PYY: variants seen among roughly 807,000 people sequenced by gnomAD.
The protein encoded by PYY is peptide tyrosine tyrosine.
PYY carries 12 observed loss-of-function variants against 10.3 expected under a neutral mutation model. The observed-to-expected ratio is 1.17, with a 90% confidence interval of 0.75 to 1.89. The LOEUF (loss-of-function observed/expected upper bound fraction) is 1.89. Among genes scored for constraint, PYY ranks in the 40% most tolerant of loss-of-function variants. The probability of loss-of-function intolerance (pLI) is 0.00; values close to 1 mark genes in which losing one functional copy is unlikely to be tolerated. For missense variants in PYY, 141 were observed against 134.0 expected (o/e 1.05, Z -0.26); for synonymous variants, 66 against 62.0 (o/e 1.06, Z -0.30).
rs1319220869 is a variant in PYY at position 43,952,966 on chromosome 17, T to G, written c.284A>C (p.Asp95Ala). Reference sequence around the variant, plus strand: ...AGGCCTCAGGGGTCCTCACCACAGGTCTGGGCCCTCCGACCTGCGGAAGCG... The same window carrying G: ...AGGCCTCAGGGGTCCTCACCACAGGGCTGGGCCCTCCGACCTGCGGAAGCG... ...RPVRSRSEGP[D>A]LW Residue 95 changes from aspartate to alanine, a missense_variant, in exon 4 of 4, where the codon GAC (aspartate) becomes GCC (alanine). Coordinates refer to ENST00000692052, the MANE Select transcript of PYY (RefSeq NM_001394028.1). 1.9e-6 allele frequency: 3 copies of G among 1,565,430 alleles called. No homozygotes were observed. Among genetic ancestry groups the G allele is most frequent in the Admixed American group, 3.8e-5 (2 of 52,248 alleles).
intron 3 of PYY, 48 bp downstream of exon 3, chr17:43,953,061 C>G: frequency 6.2e-7 from 1 of 1,607,636 alleles, no homozygotes. Flanking sequence ...CAGGGTAGGG[C>G]CAGGCCGCGC....
At chr17:43,995,088 C>A (rs2048982436) in intron 1 of PYY, among the ~76,000 whole-genome samples, 1 of 152,168 alleles carries the variant, frequency 6.6e-6, no homozygotes, top group Non-Finnish European at 1.5e-5. Flanking sequence ...CCCTTGGTGG[C>A]AATTGTTTGT....
chr17:43,976,879 T>G (rs1454654367), intron 1 of PYY, among the ~76,000 whole-genome samples: 1 of 152,226 alleles, frequency 6.6e-6, no homozygotes, highest in Non-Finnish European at 1.5e-5. Context: ...CAGGGGCTTC[T>G]GATCTTTGTG....
At chr17:43,978,190 AG>A (rs1167473045) in intron 1 of PYY, among the ~76,000 whole-genome samples, 2 of 151,494 alleles carry the variant, frequency 1.3e-5, no homozygotes, top group Admixed American at 1.3e-4. Context: ...AGACCCTGAA[AG>A]AAAGAAGAAA....
At chr17:43,995,364 G>A (rs1287874881) in intron 1 of PYY, among the ~76,000 whole-genome samples, 2 of 152,198 alleles carry the variant, frequency 1.3e-5, no homozygotes, top group African/African-American at 4.8e-5. Flanking sequence ...GTTTGAGACA[G>A]AGTCTCGCTC....
At chr17:43,973,351 G>C (rs1397665415) in intron 1 of PYY, among the ~76,000 whole-genome samples, 1 of 152,134 alleles carries the variant, frequency 6.6e-6, no homozygotes, top group South Asian at 2.1e-4. Flanking sequence ...GGTCGTTGTG[G>C]AGGAAAAGTT....
chr17:43,963,624 A>AAGAAAGAG (rs1364420978), intron 2 of PYY, among the ~76,000 whole-genome samples: 31 of 55,344 alleles, frequency 5.6e-4, no homozygotes, highest in African/African-American at 1.6e-3. Context: ...GAAAGAAAGA[A>AAGAAAGAG]AGAGAAAGAA....
intron 1 of PYY, among the ~76,000 whole-genome samples, chr17:43,989,809 TAAAAAA>T (rs1174890162): frequency 0.035 from 361 of 10,436 alleles, 62 homozygotes; most frequent in Non-Finnish European, 0.042. Context: ...GCTGTCTCTT[TAAAAAA>T]AAAAAAAAAA....
intron 2 of PYY, among the ~76,000 whole-genome samples, chr17:43,962,084 G>A (rs937296227): frequency 2.0e-5 from 3 of 152,114 alleles, no homozygotes; most frequent in Non-Finnish European, 2.9e-5. Context: ...TTACAATAGA[G>A]TTTAGCTGAG....
chr17:44,003,382 C>T (rs540982772), intron 1 of PYY, among the ~76,000 whole-genome samples: 51 of 151,946 alleles, frequency 3.4e-4, no homozygotes, highest in African/African-American at 1.2e-3. Flanking sequence ...GAGGGCCGGG[C>T]GTGGTGGCTC....
intron 2 of PYY, among the ~76,000 whole-genome samples, chr17:43,959,900 G>A (rs1311164043): frequency 2.6e-5 from 4 of 152,186 alleles, no homozygotes; most frequent in Admixed American, 2.6e-4. Flanking sequence ...AAAGAGGTAT[G>A]GATTCAGGGA....
chr17:43,981,395 CATTTT>C (rs1336502376), intron 1 of PYY, among the ~76,000 whole-genome samples: 4 of 152,154 alleles, frequency 2.6e-5, no homozygotes, highest in Non-Finnish European at 4.4e-5. Flanking sequence ...TTTGTCTTTT[CATTTT>C]AGTCATTCTG....
chr17:43,989,867 T>C (rs1567936599), intron 1 of PYY, among the ~76,000 whole-genome samples: 2 of 3,946 alleles, frequency 5.1e-4, no homozygotes, highest in African/African-American at 2.5e-3. Context: ...TATATATATA[T>C]ATATATATAT....
chr17:43,968,497 A>G (rs2048768786), intron 1 of PYY, among the ~76,000 whole-genome samples: 1 of 152,206 alleles, frequency 6.6e-6, no homozygotes, highest in African/African-American at 2.4e-5. Flanking sequence ...TCTCATGGAC[A>G]TATATGTAAA....
At chr17:43,953,513 T>C (rs1597840861) in intron 1 of PYY, 30 bp from the exon 2 acceptor site, 1 of 1,549,990 alleles carries the variant, frequency 6.5e-7, no homozygotes, top group Non-Finnish European at 8.7e-7. Flanking sequence ...ACGTGGGTCA[T>C]TCCAAGCCTC....
intron 1 of PYY, among the ~76,000 whole-genome samples, chr17:43,975,169 C>T (rs1200406748): frequency 6.6e-6 from 1 of 152,144 alleles, no homozygotes; most frequent in Non-Finnish European, 1.5e-5. Context: ...ATTCCATCAA[C>T]GGGGAAAATC....
chr17:43,963,592 A>G (rs200897238), intron 2 of PYY, among the ~76,000 whole-genome samples: 1 of 83,720 alleles, frequency 1.2e-5, no homozygotes, highest in Non-Finnish European at 2.7e-5. Context: ...GAAAGAAAGA[A>G]AGAAAGAAAG....
In PYY at chr17:43,963,568, G is replaced by GAAA. The variant is rs1567927817; in HGVS notation, c.-218+2719_-218+2720insTTT. Among the ~76,000 whole-genome samples the GAAA allele has an allele frequency of 7.1e-3, 587 of 82,508 alleles. 4 individuals carry two copies. The highest frequency in any genetic ancestry group is 0.028 in the African/African-American group (531 of 19,146). The allele number at this position is 82,508 out of a possible 152,430, so 54.1% of individuals were successfully genotyped here. ...GGAAGGGAAGGAAGGAAGGAAGGAAGGAAAAGAAAGAAAGAAAGAAAGAAA... is the reference window on the plus strand; with the variant it reads ...GGAAGGGAAGGAAGGAAGGAAGGAAGAAAGAAAAGAAAGAAAGAAAGAAAGAAA... On this transcript the variant is annotated intron_variant, in intron 2 of 6. Coordinates refer to the PYY transcript ENST00000360085.
upstream of PYY, among the ~76,000 whole-genome samples, chr17:43,956,440 A>G (rs1414010286): frequency 2.6e-5 from 4 of 151,792 alleles, no homozygotes; most frequent in Non-Finnish European, 4.4e-5. Flanking sequence ...ACACACCCAC[A>G]CCCATCATTG....
Sources: allele counts gnomAD v4.1 joint callset (sites outside exome capture counted in the v4.1 genomes callset), GRCh38; gene constraint gnomAD v4.1.1; transcripts MANE v1.5; gene names NCBI Gene and HGNC (gene_info 2026-07-23, HGNC 2026-07-21).